The following SLC2A9 variants were observed in gnomAD, a reference collection of about 807,000 sequenced individuals.
The protein encoded by SLC2A9 is solute carrier family 2 member 9.
Under a neutral mutation model 50.6 loss-of-function variants are expected in SLC2A9, and 39 were observed. That is an observed-to-expected ratio of 0.77 (90% confidence interval 0.60 to 1.01). SLC2A9 has a LOEUF of 1.01. SLC2A9 is among the 50% of genes least tolerant of loss of function. The probability of loss-of-function intolerance (pLI) is 0.00; values close to 1 mark genes in which losing one functional copy is unlikely to be tolerated. For missense variants in SLC2A9, 686 were observed against 677.6 expected (o/e 1.01, Z -0.14); for synonymous variants, 324 against 276.9 (o/e 1.17, Z -1.69).
In SLC2A9 at chr4:10,013,538, A is replaced by G. The variant is rs182589584; in HGVS notation, c.249+5437T>C. Among the ~76,000 whole-genome samples, 130 of 152,326 alleles carry G rather than the reference A, an allele frequency of 8.5e-4. 1 individual carries two copies. The highest frequency in any genetic ancestry group is 1.5e-3 in the Non-Finnish European group (102 of 68,026). ...GTTTCCTCGCCTTTAAAAGGGGGTT[A>G]GTGATAGCTGCCTTGCAATATTATA... On this transcript the variant is annotated intron_variant, in intron 2 of 11. Transcript: ENST00000264784.
chr4:9,883,857 G>T (rs1735673009), intron 10 of SLC2A9, among the ~76,000 whole-genome samples: 1 of 152,214 alleles, frequency 6.6e-6, no homozygotes, highest in Non-Finnish European at 1.5e-5. Context: ...TTTAGGAGAG[G>T]CTGATGTAAA....
At chr4:10,001,605 T>C (rs1759820382) in intron 2 of SLC2A9, among the ~76,000 whole-genome samples, 1 of 152,158 alleles carries the variant, frequency 6.6e-6, no homozygotes, top group Admixed American at 6.5e-5. Context: ...ACTTCCACCA[T>C]TCCACCACTC....
At chr4:9,831,211 TG>T (rs1726088911) in intron 11 of SLC2A9, among the ~76,000 whole-genome samples, 1 of 152,100 alleles carries the variant, frequency 6.6e-6, no homozygotes, top group Admixed American at 6.5e-5. Flanking sequence ...TGGGCTGAAC[TG>T]CGTCCCTCCT....
At chr4:9,861,667 T>A (rs540593903) in intron 10 of SLC2A9, among the ~76,000 whole-genome samples, 10 of 151,596 alleles carry the variant, frequency 6.6e-5, no homozygotes, top group African/African-American at 2.2e-4. Context: ...TCTATACCAA[T>A]AGTTTCTGGT....
intron 6 of SLC2A9, among the ~76,000 whole-genome samples, chr4:9,929,569 C>A (rs978874125): frequency 1.3e-5 from 2 of 152,148 alleles, no homozygotes; most frequent in African/African-American, 4.8e-5. Context: ...TTAAGGTGGG[C>A]AAACATTGGC....
chr4:9,838,980 A>G (rs1049607288), intron 10 of SLC2A9, among the ~76,000 whole-genome samples: 1 of 152,242 alleles, frequency 6.6e-6, no homozygotes, highest in African/African-American at 2.4e-5. Context: ...AAGCAATTGC[A>G]ACAAAAGCAA....
At chr4:9,792,163 CTTTTTTTTTT>C (rs34289788) in intron 3 of SLC2A9, among the ~76,000 whole-genome samples, 1 of 77,224 alleles carries the variant, frequency 1.3e-5, no homozygotes, top group Non-Finnish European at 2.4e-5. Flanking sequence ...TTCTATGTTT[CTTTTTTTTTT>C]TTTTTTTTTT....
chr4:9,936,945 C>G (rs1045783076), intron 6 of SLC2A9, among the ~76,000 whole-genome samples: 1 of 152,192 alleles, frequency 6.6e-6, no homozygotes, highest in Non-Finnish European at 1.5e-5. Context: ...CCCCAAGAAG[C>G]AGAGGAGACT....
At chr4:9,855,733 C>A (rs1374324428) in intron 10 of SLC2A9, among the ~76,000 whole-genome samples, 2 of 152,092 alleles carry the variant, frequency 1.3e-5, no homozygotes, top group Non-Finnish European at 2.9e-5. Context: ...CTACAGTAAC[C>A]AAAACAGCAT....
chr4:9,948,467 T>G (rs959589316), intron 5 of SLC2A9, among the ~76,000 whole-genome samples: 6 of 152,196 alleles, frequency 3.9e-5, no homozygotes, highest in African/African-American at 1.4e-4. Context: ...TGGTGGTGCA[T>G]GGCCCAGAAC....
At chr4:9,850,601 C>T (rs926863717) in intron 10 of SLC2A9, among the ~76,000 whole-genome samples, 3 of 152,144 alleles carry the variant, frequency 2.0e-5, no homozygotes, top group Admixed American at 1.3e-4. Context: ...CAGACCATGT[C>T]AGACCATCGA....
rs367988499 is a variant in SLC2A9, at chr4:9,833,136, A to T, written c.1419+1745T>A. On this transcript the variant is annotated intron_variant, in intron 11 of 11. Coordinates refer to ENST00000264784, the MANE Select transcript of SLC2A9 (RefSeq NM_020041.3). ...GCTTTGAGCCAAACTGTAAAAAGCC[A>T]CTTAAGGTTTAAAGTCAATTGAAAA... Among the ~76,000 whole-genome samples, 68 of 152,346 alleles carry T rather than the reference A, an allele frequency of 4.5e-4. No homozygotes were observed. The South Asian group carries it at 0.011, about 25-fold the overall frequency.
chr4:9,813,701 A>G (rs1461049169), intron 3 of SLC2A9, among the ~76,000 whole-genome samples: 12 of 152,244 alleles, frequency 7.9e-5, no homozygotes, highest in Admixed American at 7.8e-4. Context: ...CATCAATAAA[A>G]GTGAACACAG....
chr4:9,868,654 C>G (rs1732900395), intron 10 of SLC2A9, among the ~76,000 whole-genome samples: 1 of 152,190 alleles, frequency 6.6e-6, no homozygotes, highest in South Asian at 2.1e-4. Flanking sequence ...GTGGAGCTGA[C>G]AGCCAGCTTG....
intron 1 of SLC2A9, among the ~76,000 whole-genome samples, chr4:10,032,454 A>G (rs1331486433): frequency 6.6e-6 from 1 of 151,720 alleles, no homozygotes; most frequent in African/African-American, 2.4e-5. Context: ...GGAAATCTAG[A>G]TGGTTTCTAT....
upstream of SLC2A9, among the ~76,000 whole-genome samples, chr4:10,025,536 G>T (rs10030570): frequency 0.32 from 49,131 of 152,008 alleles, 9,228 homozygotes; most frequent in African/African-American, 0.51. Flanking sequence ...GGAGGAAGGG[G>T]CAGGTCGACT....
intron 6 of SLC2A9, among the ~76,000 whole-genome samples, chr4:9,937,590 T>G (rs1040900728): frequency 2.0e-5 from 3 of 152,092 alleles, no homozygotes; most frequent in Non-Finnish European, 4.4e-5. Context: ...CGTCCCCACC[T>G]CCCTCTGCCC....
chr4:9,815,278 C>A (rs554845170), intron 3 of SLC2A9, among the ~76,000 whole-genome samples: 1 of 152,222 alleles, frequency 6.6e-6, no homozygotes. Flanking sequence ...GAGGCACCTG[C>A]GCCCCACAGA....
intron 10 of SLC2A9, 142 bp from the exon 11 acceptor site, chr4:9,835,150 C>T (rs1369133815): frequency 6.6e-5 from 77 of 1,158,998 alleles, no homozygotes; most frequent in Non-Finnish European, 9.5e-5. Context: ...TCCTGAGTCG[C>T]CCTGGTGGCA....
Sources: gnomAD v4.1 joint callset for allele counts (sites outside exome capture counted in the v4.1 genomes callset) on GRCh38, gnomAD v4.1.1 for gene constraint, MANE v1.5 for transcripts, NCBI Gene and HGNC (gene_info 2026-07-23, HGNC 2026-07-21) for gene names.